RP1: variants seen among roughly 807,000 people sequenced by gnomAD.
RP1 encodes the protein oxygen-regulated protein 1.
RP1 carries 16 observed loss-of-function variants against 14.8 expected under a neutral mutation model. That is an observed-to-expected ratio of 1.08 (90% CI 0.73 to 1.65). RP1 has a LOEUF of 1.65. Ranked by LOEUF, RP1 falls within the 40% of genes most tolerant of loss-of-function variation. The pLI is 0.00. For synonymous variants in RP1, 876 were observed against 883.6 expected (o/e 0.99, Z 0.15); for missense variants, 2,631 against 2,535.0 (o/e 1.04, Z -0.81).
At chr8:54,652,250 C>T (rs1418086465) in intron 4 of RP1, among the ~76,000 whole-genome samples, 1 of 152,156 alleles carries the variant, frequency 6.6e-6, no homozygotes, top group Non-Finnish European at 1.5e-5. Context: ...TCATGATCCA[C>T]CTGCCTTGGA....
At position 54,628,291 on chromosome 8, in the gene RP1, A is replaced by C. The variant is rs774551231; in HGVS notation, c.4409A>C (p.Glu1470Ala). Residue 1470 changes from glutamate (E) to alanine (A), a missense_variant, in exon 4 of 4, where the codon GAA (glutamate) becomes GCA (alanine). Glu to Ala is a moderately radical substitution (Grantham distance 107, BLOSUM62 -1). Transcript: ENST00000220676. ...RNISELESFE[E>A]LENHDTDIFN... is the part of the protein sequence containing the mutation. ...ATTTCAGAATTGGAATCTTTTGAAG[A>C]ATTAGAAAACCATGACACTGATATC... 6.2e-7 allele frequency: 1 copy of C among 1,613,962 alleles called. No homozygotes were observed. Among genetic ancestry groups the C allele is most frequent in the Non-Finnish European group, 8.5e-7 (1 of 1,179,920 alleles).
At chr8:54,725,750 G>A (rs1808638808) in intron 16 of RP1, among the ~76,000 whole-genome samples, 1 of 152,090 alleles carries the variant, frequency 6.6e-6, no homozygotes, top group East Asian at 1.9e-4. Flanking sequence ...CCTAGAAAAT[G>A]AACACAAACA....
At chr8:54,855,126 T>A (rs1176795999) in intron 26 of RP1, among the ~76,000 whole-genome samples, 1 of 152,228 alleles carries the variant, frequency 6.6e-6, no homozygotes, top group Admixed American at 6.5e-5. Flanking sequence ...ATGAGTTGAC[T>A]ACTCTAGGTA....
exon 16 of RP1, chr8:54,720,170 C>T (rs1316922954): frequency 6.5e-7 from 1 of 1,535,318 alleles, no homozygotes; most frequent in Non-Finnish European, 8.7e-7. Flanking sequence ...TTAAGAAGAA[C>T]TTGAAGAATG....
chr8:54,848,856 C>T (rs557414089), intron 25 of RP1, among the ~76,000 whole-genome samples: 4 of 152,170 alleles, frequency 2.6e-5, no homozygotes, highest in African/African-American at 2.4e-5. Context: ...TCAAGCTATT[C>T]TCCCACCTCA....
intron 7 of RP1, among the ~76,000 whole-genome samples, chr8:54,672,676 G>A (rs1807204049): frequency 2.0e-5 from 3 of 152,010 alleles, no homozygotes; most frequent in African/African-American, 7.2e-5. Flanking sequence ...CAGTTTTATT[G>A]TTGAATGTAG....
chr8:54,679,304 A>T, intron 9 of RP1: 1 of 884,814 alleles, frequency 1.1e-6, no homozygotes, highest in Non-Finnish European at 1.7e-6. Flanking sequence ...TGAGAGCCAG[A>T]TAGCCACGTC....
rs1365019561 is a variant in RP1 at position 54,730,735 on chromosome 8, T to A, written c.2522-3810T>A. On this transcript the variant is annotated intron_variant, in intron 17 of 22. Coordinates refer to the RP1 transcript ENST00000636932. ...GCATGTTAGGATGCCTTTGATTATG[T>A]GATCCTGTTTTCTGTGTTAGTTATC... is the stretch of plus-strand genomic sequence containing the variant. Among the ~76,000 whole-genome samples, 5 of 152,242 alleles carry A rather than the reference T, an allele frequency of 3.3e-5. No individual in the cohort carries two copies. In the East Asian group the frequency reaches 7.7e-4, roughly 23 times the overall value.
At chr8:54,639,707 T>C (rs1311555225) in intron 3 of RP1, among the ~76,000 whole-genome samples, 3 of 152,214 alleles carry the variant, frequency 2.0e-5, no homozygotes, top group South Asian at 4.1e-4. Context: ...TTTTGTGGTA[T>C]AGTGTGTTTT....
In RP1 at chr8:54,627,896, C is replaced by G; in HGVS notation, c.4014C>G (p.Val1338=). Residue 1338 remains valine, a synonymous_variant, in exon 4 of 4, where the codon GTC becomes GTG. Transcript: ENST00000220676. ...PIDETYVPVN[V]CNTIDFLNSK... ...ATGAGACCTACGTTCCTGTCAATGT[C>G]TGCAATACCATTGACTTTTTAAACT... 6.2e-7 allele frequency: 1 copy of G among 1,614,132 alleles called. No homozygotes were observed. Among genetic ancestry groups the G allele is most frequent in the Non-Finnish European group, 8.5e-7 (1 of 1,179,988 alleles).
chr8:54,782,896 G>T (rs1810223509), intron 23 of RP1, among the ~76,000 whole-genome samples: 1 of 151,864 alleles, frequency 6.6e-6, no homozygotes, highest in Non-Finnish European at 1.5e-5. Context: ...CTGCTTGCAT[G>T]ATGCATTGTC....
At chr8:54,583,456 AT>A (rs2129297646) in intron 1 of RP1, among the ~76,000 whole-genome samples, 2 of 152,248 alleles carry the variant, frequency 1.3e-5, no homozygotes, top group Admixed American at 1.3e-4. Context: ...TTGGTCCAAA[AT>A]TCTCTTTTTT....
chr8:54,746,677 T>C (rs996012162), intron 19 of RP1, among the ~76,000 whole-genome samples: 1 of 152,242 alleles, frequency 6.6e-6, no homozygotes, highest in Non-Finnish European at 1.5e-5. Context: ...TTTTATTCTC[T>C]GGAATTGACT....
intron 3 of RP1, chr8:54,648,851 TG>T: frequency 1.9e-6 from 1 of 513,404 alleles, no homozygotes; most frequent in Non-Finnish European, 3.3e-6. Flanking sequence ...TCTTCTGTTA[TG>T]GCACTTTTTC....
At chr8:54,734,855 G>A (rs1038266674) in intron 18 of RP1, 2 of 860,562 alleles carry the variant, frequency 2.3e-6, no homozygotes, top group African/African-American at 1.7e-5. Context: ...TGAACCTCTG[G>A]TCTTTTAGAA....
chr8:54,698,588 C>T (rs768657797), intron 12 of RP1, among the ~76,000 whole-genome samples: 79 of 152,088 alleles, frequency 5.2e-4, no homozygotes, highest in Non-Finnish European at 7.5e-4. Flanking sequence ...CACATGCACA[C>T]GTATGTTTAT....
chr8:54,795,260 T>C (rs1190780240), intron 24 of RP1, among the ~76,000 whole-genome samples: 1 of 152,058 alleles, frequency 6.6e-6, no homozygotes, highest in Non-Finnish European at 1.5e-5. Flanking sequence ...ATCAGTATCT[T>C]GAAGAGATAT....
intron 24 of RP1, among the ~76,000 whole-genome samples, chr8:54,797,873 C>CTTTTTTTT: frequency 8.9e-6 from 1 of 112,296 alleles, no homozygotes; most frequent in Non-Finnish European, 1.8e-5. Context: ...GTTTCCCAAC[C>CTTTTTTTT]TTTTTTTTTT....
chr8:54,629,227 AG>A lies in RP1; in HGVS notation c.5347del (p.Val1783TyrfsTer26). On this transcript the variant is annotated frameshift_variant, in exon 4 of 4. Transcript: ENST00000220676. LOFTEE classifies it low-confidence loss of function (END_TRUNC). ...ACCCTACTTGATAATAACAGCAGTG[AG>A]GTACCATATTCACATTTTGGTAATT... Reference protein sequence around the residue: ...VDTLLDNNSSEVPYSHFGNLA... With the variant: ...VDTLLDNNSSXVPYSHFGNLA... 1 of 1,614,124 alleles carries A rather than the reference AG, an allele frequency of 6.2e-7. No individual in the cohort carries two copies. The highest frequency in any genetic ancestry group is 1.1e-5 in the South Asian group (1 of 91,074).
Sources: allele counts gnomAD v4.1 joint callset (sites outside exome capture counted in the v4.1 genomes callset), GRCh38; gene constraint gnomAD v4.1.1; transcripts MANE v1.5; gene names NCBI Gene and HGNC (gene_info 2026-07-23, HGNC 2026-07-21).